Variants in SDK1 observed in about 807,000 individuals in gnomAD.
SDK1 encodes protein sidekick-1.
SDK1 carries 157 observed loss-of-function variants against 245.5 expected under a neutral mutation model. The observed-to-expected ratio is 0.64, with a 90% CI of 0.56 to 0.73. The LOEUF (loss-of-function observed/expected upper bound fraction) is 0.73. Among genes scored for constraint, SDK1 ranks in the 30% least tolerant of loss-of-function variants. The pLI is 0.00. For missense variants in SDK1, 3,583 were observed against 3,002.3 expected (o/e 1.19, Z -4.52); for synonymous variants, 1,647 against 1,278.5 (o/e 1.29, Z -6.15).
intron 4 of SDK1, among the ~76,000 whole-genome samples, chr7:3,672,796 A>AAT (rs55933133): frequency 5.6e-5 from 3 of 53,416 alleles, no homozygotes; most frequent in East Asian, 6.3e-4. Flanking sequence ...TATATATATA[A>AAT]AAAATACAGA....
At position 3,724,560 on chromosome 7, in the gene SDK1, T is replaced by C. The variant is rs140880735; in HGVS notation, c.713+82455T>C. On this transcript the variant is annotated intron_variant, in intron 4 of 44. Transcript: ENST00000404826. ...ATTATGCCTTCCAAGGGGCCTAATATTGAACTGTACTAGGTCGACTATTAA... is the reference window on the plus strand; with the variant it reads ...ATTATGCCTTCCAAGGGGCCTAATACTGAACTGTACTAGGTCGACTATTAA... Among the ~76,000 whole-genome samples, 818 of 152,306 alleles carry C rather than the reference T, an allele frequency of 5.4e-3. 6 individuals are homozygous for C. The highest frequency in any genetic ancestry group is 0.018 in the African/African-American group (768 of 41,560).
In SDK1 at chr7:3,506,932, A is replaced by G. The variant is rs189092485; in HGVS notation, c.299-112148A>G. ...TTGCTATATCTGTTTATATAGTCTA[A>G]TTTTTCTCTTGGTTAAGGGCTGCAT... On this transcript the variant is annotated intron_variant, in intron 1 of 44. Transcript: ENST00000404826. Among the ~76,000 whole-genome samples the G allele has an allele frequency of 2.6e-4, 39 of 151,140 alleles. No homozygotes were observed. The East Asian group carries it at 7.4e-3, about 29-fold the overall frequency.
At chr7:4,145,658 AC>A (rs1779916451) in intron 28 of SDK1, 63 bp from the exon 29 acceptor site, 1 of 1,449,368 alleles carries the variant, frequency 6.9e-7, no homozygotes, top group African/African-American at 1.4e-5. Flanking sequence ...GGGTGTGGGC[AC>A]AGGGCTTCCC....
chr7:3,944,299 G>C (rs1780490732), intron 5 of SDK1, among the ~76,000 whole-genome samples: 1 of 152,204 alleles, frequency 6.6e-6, no homozygotes, highest in South Asian at 2.1e-4. Context: ...ATATTAAATG[G>C]GCAACATGTG....
chr7:3,871,259 T>A (rs1780949229), intron 5 of SDK1, among the ~76,000 whole-genome samples: 2 of 152,212 alleles, frequency 1.3e-5, no homozygotes, highest in Non-Finnish European at 2.9e-5. Context: ...CCTTACATAT[T>A]GACCTTTTAT....
At chr7:3,489,593 A>G (rs1391602675) in intron 1 of SDK1, among the ~76,000 whole-genome samples, 1 of 152,290 alleles carries the variant, frequency 6.6e-6, no homozygotes, top group South Asian at 2.1e-4. Flanking sequence ...ATATCTGGAG[A>G]TAGATGGAAG....
chr7:3,459,058 C>T (rs1053077677), intron 1 of SDK1, among the ~76,000 whole-genome samples: 6 of 152,148 alleles, frequency 3.9e-5, no homozygotes, highest in Non-Finnish European at 8.8e-5. Flanking sequence ...GCTCAGATTT[C>T]GAATGAGATT....
chr7:3,448,593 T>C (rs968488406), intron 1 of SDK1, among the ~76,000 whole-genome samples: 1 of 152,174 alleles, frequency 6.6e-6, no homozygotes, highest in Non-Finnish European at 1.5e-5. Context: ...TTATTTTTTA[T>C]ATAAATATCT....
intron 4 of SDK1, among the ~76,000 whole-genome samples, chr7:3,773,010 C>T (rs1461005014): frequency 2.0e-5 from 3 of 152,186 alleles, no homozygotes; most frequent in Non-Finnish European, 4.4e-5. Flanking sequence ...TACAACGTGT[C>T]TCAATGTGGA....
At chr7:4,192,423 C>T (rs148962907) in intron 35 of SDK1, among the ~76,000 whole-genome samples, 2,654 of 152,196 alleles carry the variant, frequency 0.017, 36 homozygotes, top group Middle Eastern at 0.031. Context: ...CTACAGGTGC[C>T]CGCCACCACG....
chr7:3,620,453 C>G (rs745827643), intron 2 of SDK1, among the ~76,000 whole-genome samples: 1 of 152,036 alleles, frequency 6.6e-6, no homozygotes, highest in Non-Finnish European at 1.5e-5. Flanking sequence ...CAGGCGTGAG[C>G]CACCACACCT....
At chr7:4,022,983 C>T (rs1787041181) in intron 17 of SDK1, among the ~76,000 whole-genome samples, 1 of 151,876 alleles carries the variant, frequency 6.6e-6, no homozygotes, top group Admixed American at 6.6e-5. Flanking sequence ...GCCGTGTTAC[C>T]CAGGATGGTC....
At chr7:3,564,641 A>G (rs1225991060) in intron 1 of SDK1, among the ~76,000 whole-genome samples, 1 of 152,180 alleles carries the variant, frequency 6.6e-6, no homozygotes, top group African/African-American at 2.4e-5. Flanking sequence ...TCAGAAAAAA[A>G]TATAAAATGT....
chr7:3,721,622 C>G (rs1778804419), intron 4 of SDK1, among the ~76,000 whole-genome samples: 2 of 152,126 alleles, frequency 1.3e-5, no homozygotes, highest in African/African-American at 4.8e-5. Flanking sequence ...AACCAGGCAT[C>G]AGCTATGTGG....
intron 1 of SDK1, among the ~76,000 whole-genome samples, chr7:3,351,769 A>T (rs1378043963): frequency 1.3e-5 from 2 of 152,172 alleles, no homozygotes; most frequent in African/African-American, 2.4e-5. Context: ...AAACAAGAAA[A>T]ATAGCTGAAT....
chr7:3,761,265 T>TC (rs1554259153), intron 4 of SDK1, among the ~76,000 whole-genome samples: 1 of 146,978 alleles, frequency 6.8e-6, no homozygotes, highest in African/African-American at 2.6e-5. Flanking sequence ...CCCTCCTTTT[T>TC]TTTTTTTTTT....
At chr7:4,193,379 TA>T (rs1783352521) in intron 35 of SDK1, among the ~76,000 whole-genome samples, 4 of 126,168 alleles carry the variant, frequency 3.2e-5, no homozygotes, top group African/African-American at 1.4e-4. Flanking sequence ...TATTTATATA[TA>T]TATATATATA....
chr7:3,357,326 GTGTTTTTTTTTTTTTTTTTTTTTTT>G (rs1780827154), intron 1 of SDK1, among the ~76,000 whole-genome samples: 1 of 50,102 alleles, frequency 2.0e-5, no homozygotes, highest in Non-Finnish European at 4.0e-5. Flanking sequence ...CCTTCTTTTA[GTGTTTTTTTTTTTTTTTTTTTTTTT>G]TTTTTTTTTT....
At chr7:3,692,217 A>T (rs1271041928) in intron 4 of SDK1, among the ~76,000 whole-genome samples, 1 of 152,106 alleles carries the variant, frequency 6.6e-6, no homozygotes. Flanking sequence ...ATTCTTTCTG[A>T]TTCTAAAACT....
Sources: allele counts gnomAD v4.1 joint callset (sites outside exome capture counted in the v4.1 genomes callset), GRCh38; gene constraint gnomAD v4.1.1; transcripts MANE v1.5; gene names NCBI Gene and HGNC (gene_info 2026-07-23, HGNC 2026-07-21).